Variants in RSU1 observed in about 807,000 individuals in gnomAD.
The protein encoded by RSU1 is Ras suppressor protein 1, also known as rsu-1.
A neutral mutation model predicts 31.1 loss-of-function variants in RSU1; 26 were observed. The observed-to-expected ratio is 0.84, with a 90% CI of 0.61 to 1.16. The LOEUF (loss-of-function observed/expected upper bound fraction) is 1.16. Ranked by LOEUF, RSU1 falls within the 50% of genes most tolerant of loss-of-function variation. The pLI is 0.00. For synonymous variants in RSU1, 164 were observed against 136.3 expected (o/e 1.20, Z -1.41); for missense variants, 320 against 339.1 (o/e 0.94, Z 0.44).
At chr10:16,596,559 C>G (rs556292293) in intron 8 of RSU1, among the ~76,000 whole-genome samples, 1 of 152,196 alleles carries the variant, frequency 6.6e-6, no homozygotes, top group South Asian at 2.1e-4. Context: ...GGGTCTGACT[C>G]TGTGTCTTCA....
At chr10:16,719,855 T>C (rs902588804) in intron 7 of RSU1, among the ~76,000 whole-genome samples, 1 of 152,234 alleles carries the variant, frequency 6.6e-6, no homozygotes, top group African/African-American at 2.4e-5. Flanking sequence ...TTGCCTTAAA[T>C]GAATATCTAA....
intron 7 of RSU1, among the ~76,000 whole-genome samples, chr10:16,701,226 C>A (rs1835786692): frequency 6.6e-6 from 1 of 152,174 alleles, no homozygotes; most frequent in South Asian, 2.1e-4. Flanking sequence ...GCACATGGTG[C>A]ACACTAATTG....
At chr10:16,640,544 A>C (rs1834423432) in intron 8 of RSU1, among the ~76,000 whole-genome samples, 1 of 152,250 alleles carries the variant, frequency 6.6e-6, no homozygotes, top group Non-Finnish European at 1.5e-5. Context: ...GGCCTGGAAT[A>C]AGGTAGCCCC....
chr10:16,709,623 G>T (rs1205774879), intron 7 of RSU1, among the ~76,000 whole-genome samples: 2 of 152,194 alleles, frequency 1.3e-5, no homozygotes, highest in East Asian at 3.8e-4. Context: ...CAGTATAAAA[G>T]TGTTCCTATT....
chr10:16,792,968 A>G (rs1837957062), intron 2 of RSU1, among the ~76,000 whole-genome samples: 1 of 152,198 alleles, frequency 6.6e-6, no homozygotes, highest in Non-Finnish European at 1.5e-5. Flanking sequence ...CGCATGGCTG[A>G]AGTTATTTCA....
intron 2 of RSU1, among the ~76,000 whole-genome samples, chr10:16,806,335 T>C (rs1034534635): frequency 2.0e-5 from 3 of 152,204 alleles, no homozygotes; most frequent in Non-Finnish European, 4.4e-5. Context: ...CCACAGGGTA[T>C]GTGCATATGA....
chr10:16,619,451 C>T (rs1834032819), intron 8 of RSU1, among the ~76,000 whole-genome samples: 1 of 152,212 alleles, frequency 6.6e-6, no homozygotes, highest in Non-Finnish European at 1.5e-5. Flanking sequence ...GGGTTCCCTG[C>T]TCTTTCTCTT....
intron 2 of RSU1, among the ~76,000 whole-genome samples, chr10:16,788,011 A>G (rs1015083253): frequency 1.3e-5 from 2 of 152,170 alleles, no homozygotes; most frequent in South Asian, 4.1e-4. Context: ...AATCTCACAC[A>G]TTTTTATTTC....
intron 8 of RSU1, among the ~76,000 whole-genome samples, chr10:16,644,010 G>A (rs1435315734): frequency 2.0e-5 from 3 of 151,892 alleles, no homozygotes; most frequent in Non-Finnish European, 4.4e-5. Context: ...TCAAGTATAG[G>A]GGAGGATGTG....
chr10:16,808,313 A>G (rs886647361), intron 2 of RSU1, among the ~76,000 whole-genome samples: 1 of 151,372 alleles, frequency 6.6e-6, no homozygotes, highest in African/African-American at 2.4e-5. Flanking sequence ...CCCCATCCCC[A>G]TCTCTACTAA....
intron 8 of RSU1, among the ~76,000 whole-genome samples, chr10:16,629,535 G>A (rs1274691331): frequency 2.0e-5 from 3 of 152,084 alleles, no homozygotes; most frequent in Admixed American, 1.3e-4. Context: ...GCTGGATGAA[G>A]CAAAGAAAAA....
At chr10:16,728,641 A>G (rs1836443935) in intron 7 of RSU1, among the ~76,000 whole-genome samples, 1 of 152,220 alleles carries the variant, frequency 6.6e-6, no homozygotes, top group South Asian at 2.1e-4. Flanking sequence ...TCAGCTCATG[A>G]GGCAAAAGGG....
chr10:16,746,381 G>C (rs1321048964), intron 7 of RSU1, among the ~76,000 whole-genome samples: 1 of 152,160 alleles, frequency 6.6e-6, no homozygotes, highest in Non-Finnish European at 1.5e-5. Context: ...ATGCCGAGCA[G>C]ACCAATGTGA....
At chr10:16,703,171 A>T (rs1320747349) in intron 7 of RSU1, among the ~76,000 whole-genome samples, 1 of 152,178 alleles carries the variant, frequency 6.6e-6, no homozygotes, top group African/African-American at 2.4e-5. Flanking sequence ...AGCAGATGCC[A>T]GCATCATGCT....
chr10:16,617,792 G>A (rs982771460), intron 8 of RSU1, among the ~76,000 whole-genome samples: 4 of 152,192 alleles, frequency 2.6e-5, no homozygotes, highest in African/African-American at 9.7e-5. Flanking sequence ...GCAGAAAACA[G>A]AAACCAGACC....
At chr10:16,645,891 TATG>T (rs1834535076) in intron 8 of RSU1, among the ~76,000 whole-genome samples, 2 of 71,544 alleles carry the variant, frequency 2.8e-5, no homozygotes, top group African/African-American at 1.3e-4. Context: ...TATATACATA[TATG>T]TATATACACA....
intron 8 of RSU1, among the ~76,000 whole-genome samples, chr10:16,616,371 CA>C (rs529296931): frequency 0.013 from 1,156 of 90,900 alleles, 5 homozygotes; most frequent in East Asian, 0.073. Context: ...GCCTACCAAC[CA>C]AAAAAAAAAA....
chr10:16,643,814 A>C (rs1201836165), intron 8 of RSU1, among the ~76,000 whole-genome samples: 2 of 152,176 alleles, frequency 1.3e-5, no homozygotes, highest in East Asian at 3.8e-4. Context: ...CATGTCTGCA[A>C]GCCCAGTCAA....
At chr10:16,816,865 G>C (rs1838545297) in intron 2 of RSU1, 108 bp downstream of exon 2, 1 of 757,566 alleles carries the variant, frequency 1.3e-6, no homozygotes, top group South Asian at 1.6e-5. Flanking sequence ...TACAAGCAGG[G>C]GCTGGGGTCT....
Sources: allele counts gnomAD v4.1 joint callset (sites outside exome capture counted in the v4.1 genomes callset), GRCh38; gene constraint gnomAD v4.1.1; transcripts MANE v1.5; gene names NCBI Gene and HGNC (gene_info 2026-07-23, HGNC 2026-07-21).